The following SEMA3A variants were observed in gnomAD, a reference collection of about 807,000 sequenced individuals.
The protein encoded by SEMA3A is semaphorin 3A, also known as semaphorin-3A.
Under a neutral mutation model 97.9 loss-of-function variants are expected in SEMA3A, and 29 were observed. The ratio of observed to expected loss-of-function variants is 0.30; its 90% confidence interval spans 0.22 to 0.40. The LOEUF (loss-of-function observed/expected upper bound fraction) is 0.40. Ranked by LOEUF, SEMA3A falls within the 10% of genes least tolerant of loss-of-function variation. The probability of loss-of-function intolerance (pLI) is 1.00; values close to 1 mark genes in which losing one functional copy is unlikely to be tolerated. For synonymous variants in SEMA3A, 321 were observed against 323.7 expected (o/e 0.99, Z 0.09); for missense variants, 763 against 951.3 (o/e 0.80, Z 2.60).
Position 84,369,977 on chromosome 7 carries a change from C to T in SEMA3A, c.-169+1847G>A, listed in dbSNP as rs916635861. ...ATAAGCTTTTGTCAAGATGGAAAGT[C>T]ATACCAAATAGGAAAGGAAGCTGCA... On this transcript the variant is annotated intron_variant, in intron 2 of 3. Coordinates refer to the SEMA3A transcript ENST00000424555. 4.0e-5 allele frequency among the ~76,000 whole-genome samples: 6 copies of T among 151,152 alleles called. No homozygotes were observed. In the Admixed American group the frequency reaches 4.0e-4, roughly 10 times the overall value.
intron 1 of SEMA3A, among the ~76,000 whole-genome samples, chr7:84,393,139 T>G (rs947817924): frequency 6.6e-6 from 1 of 152,158 alleles, no homozygotes; most frequent in African/African-American, 2.4e-5. Flanking sequence ...TTGTATAGTT[T>G]TTGCCCCTAT....
intron 9 of SEMA3A, among the ~76,000 whole-genome samples, chr7:84,008,456 A>T (rs1025159849): frequency 6.9e-6 from 1 of 145,902 alleles, no homozygotes; most frequent in Non-Finnish European, 1.5e-5. Flanking sequence ...GTGCCACTGC[A>T]CTCCAGCCTG....
intron 2 of SEMA3A, among the ~76,000 whole-genome samples, chr7:84,129,838 T>C (rs1384550072): frequency 2.0e-5 from 3 of 152,008 alleles, no homozygotes; most frequent in Non-Finnish European, 2.9e-5. Context: ...CCCTCTCTAA[T>C]GTGGGCTAAA....
chr7:84,475,320 A>C (rs1806256459), intron 1 of SEMA3A, among the ~76,000 whole-genome samples: 1 of 152,006 alleles, frequency 6.6e-6, no homozygotes, highest in African/African-American at 2.4e-5. Context: ...GGTGTCTGTG[A>C]ATGTGATGAG....
chr7:84,124,733 C>T (rs1164040923), intron 3 of SEMA3A, among the ~76,000 whole-genome samples: 4 of 151,904 alleles, frequency 2.6e-5, no homozygotes, highest in African/African-American at 9.7e-5. Flanking sequence ...GGGATCCATC[C>T]AATAGCTATT....
chr7:84,245,076 T>C (rs1215341039), intron 3 of SEMA3A, among the ~76,000 whole-genome samples: 2 of 152,160 alleles, frequency 1.3e-5, no homozygotes, highest in African/African-American at 4.8e-5. Context: ...TTGAGATTGC[T>C]CTTCTCGAGG....
At position 84,378,914 on chromosome 7, in the gene SEMA3A, GT is replaced by G. The variant is rs1031500167; in HGVS notation, c.-245-7015del. On this transcript the variant is annotated intron_variant, in intron 1 of 3. Coordinates refer to the SEMA3A transcript ENST00000424555. Reference sequence around the variant, plus strand: ...TCTCTCCATATATATTTTTGTTGTTGTTGTTGTTGTTGTTTTGTTTTGTTTT... The same window carrying G: ...TCTCTCCATATATATTTTTGTTGTTGTGTTGTTGTTGTTTTGTTTTGTTTT... 5.5e-5 allele frequency among the ~76,000 whole-genome samples: 8 copies of G among 144,448 alleles called. 1 individual carries two copies. The highest frequency in any genetic ancestry group is 7.1e-5 in the Admixed American group (1 of 14,016). 94.8% of individuals were successfully genotyped at this position (144,448 alleles called of 152,430 possible).
At chr7:84,224,195 G>A (rs1798939866) in intron 3 of SEMA3A, among the ~76,000 whole-genome samples, 1 of 151,844 alleles carries the variant, frequency 6.6e-6, no homozygotes, top group Non-Finnish European at 1.5e-5. Context: ...TATACCAAAG[G>A]ATAGAGGAGA....
At chr7:84,384,064 G>A (rs939776368) in intron 1 of SEMA3A, among the ~76,000 whole-genome samples, 3 of 152,118 alleles carry the variant, frequency 2.0e-5, no homozygotes, top group Non-Finnish European at 4.4e-5. Flanking sequence ...TCTAGGACAC[G>A]ACTGTCTCAA....
intron 4 of SEMA3A, among the ~76,000 whole-genome samples, chr7:84,065,299 T>C (rs1319398242): frequency 8.5e-6 from 1 of 117,752 alleles, no homozygotes; most frequent in South Asian, 3.5e-4. Context: ...TAGCACTAAA[T>C]GCCCACAAGA....
chr7:84,063,910 T>C (rs1217132009), intron 4 of SEMA3A, among the ~76,000 whole-genome samples: 1 of 150,404 alleles, frequency 6.6e-6, no homozygotes, highest in Non-Finnish European at 1.5e-5. Flanking sequence ...ATTCAGGAAA[T>C]ACAGAGAACG....
At chr7:84,206,564 C>T (rs1404248605) in intron 3 of SEMA3A, among the ~76,000 whole-genome samples, 1 of 151,962 alleles carries the variant, frequency 6.6e-6, no homozygotes, top group Non-Finnish European at 1.5e-5. Context: ...CCTCGTGATC[C>T]GCCCGCCTCG....
rs1554383587 is a variant in SEMA3A, at chr7:84,424,487, G to GATATATAATATATAAATATTAAT, written c.-245-52588_-245-52587insATTAATATTTATATATTATATAT. ...TTTAATATACAATATATAATATATT[G>GATATATAATATATAAATATTAAT]ATATATAATATATAATATATAAATA... On this transcript the variant is annotated intron_variant, in intron 1 of 3. Coordinates refer to the SEMA3A transcript ENST00000424555. Among the ~76,000 whole-genome samples, 22 of 77,190 alleles carry GATATATAATATATAAATATTAAT rather than the reference G, an allele frequency of 2.9e-4. 2 individuals carry two copies. The highest frequency in any genetic ancestry group is 1.6e-4 in the Non-Finnish European group (7 of 43,308). 50.6% of individuals were successfully genotyped at this position (77,190 alleles called of 152,430 possible). A position where few individuals can be genotyped will look rare whatever the true frequency, so the allele number is the denominator to read the frequency against.
intron 3 of SEMA3A, among the ~76,000 whole-genome samples, chr7:84,226,393 AC>A: frequency 6.6e-6 from 1 of 152,252 alleles, no homozygotes; most frequent in East Asian, 1.9e-4. Context: ...GAGAACCCAG[AC>A]TTTCAAGTGT....
At chr7:84,011,365 C>T in intron 7 of SEMA3A, 68 bp from the exon 8 acceptor site, 3 of 970,698 alleles carry the variant, frequency 3.1e-6, no homozygotes, top group Non-Finnish European at 4.8e-6. Flanking sequence ...TTTCTATTTT[C>T]TTCATATCTT....
At chr7:84,152,528 T>A (rs1175620302) in intron 1 of SEMA3A, among the ~76,000 whole-genome samples, 4 of 122,426 alleles carry the variant, frequency 3.3e-5, no homozygotes, top group East Asian at 2.6e-4. Flanking sequence ...AACATCACAC[T>A]CTGGGAACTG....
At position 83,982,321 on chromosome 7, in the gene SEMA3A, A is replaced by G. The variant is rs146374001; in HGVS notation, c.1495-843T>C. On this transcript the variant is annotated intron_variant, in intron 13 of 16. Coordinates refer to ENST00000265362, the MANE Select transcript of SEMA3A (RefSeq NM_006080.3). ...ACATTCTACAATGCATTTATTCTCA[A>G]TGAAATTGGTGTTATTGAAAGACCC... Among the ~76,000 whole-genome samples, 644 of 152,324 alleles carry G rather than the reference A, an allele frequency of 4.2e-3. 6 individuals are homozygous for G. Among genetic ancestry groups the G allele is most frequent in the African/African-American group, 0.015 (611 of 41,578 alleles).
At chr7:84,212,151 G>A (rs920701798) in intron 3 of SEMA3A, among the ~76,000 whole-genome samples, 12 of 152,084 alleles carry the variant, frequency 7.9e-5, no homozygotes, top group African/African-American at 2.7e-4. Flanking sequence ...CATTGCAGTT[G>A]GTTTGGGAGA....
chr7:84,328,700 G>T (rs1312778627), intron 2 of SEMA3A, among the ~76,000 whole-genome samples: 2 of 151,740 alleles, frequency 1.3e-5, no homozygotes, highest in African/African-American at 2.4e-5. Flanking sequence ...TCCTTCCTTT[G>T]TTCATTCAAC....
Sources: gnomAD v4.1 joint callset for allele counts (sites outside exome capture counted in the v4.1 genomes callset) on GRCh38, gnomAD v4.1.1 for gene constraint, MANE v1.5 for transcripts, NCBI Gene and HGNC (gene_info 2026-07-23, HGNC 2026-07-21) for gene names.